TENM2: variants seen among roughly 807,000 people sequenced by gnomAD.
The protein encoded by TENM2 is teneurin-2.
Under a neutral mutation model 245.2 loss-of-function variants are expected in TENM2, and 52 were observed. The observed-to-expected ratio is 0.21, with a 90% CI of 0.17 to 0.27. The LOEUF (loss-of-function observed/expected upper bound fraction) is 0.27, where lower values mean the gene tolerates loss of function less well. Among genes scored for constraint, TENM2 ranks in the 10% least tolerant of loss-of-function variants. The pLI is 1.00. For synonymous variants in TENM2, 1,363 were observed against 1,438.9 expected (o/e 0.95, Z 1.19); for missense variants, 3,046 against 3,666.8 (o/e 0.83, Z 4.37).
intron 2 of TENM2, among the ~76,000 whole-genome samples, chr5:167,567,145 C>T (rs935672507): frequency 2.0e-5 from 3 of 152,042 alleles, no homozygotes; most frequent in Admixed American, 6.6e-5. Context: ...ATATAAAAAT[C>T]GACCCAAATT....
intron 4 of TENM2, among the ~76,000 whole-genome samples, chr5:167,988,215 A>T (rs1783395159): frequency 6.6e-6 from 1 of 152,220 alleles, no homozygotes; most frequent in Non-Finnish European, 1.5e-5. Context: ...TTAAAATTAA[A>T]AATGTTCACA....
At chr5:167,281,126 T>TTGA (rs201609706), upstream of TENM2, among the ~76,000 whole-genome samples, 2 of 151,300 alleles carry the variant, frequency 1.3e-5, no homozygotes, top group Non-Finnish European at 1.5e-5. Context: ...TTTTTTTTTT[T>TTGA]GAAATGGAGT....
At chr5:167,735,184 A>T (rs574445681) in intron 2 of TENM2, among the ~76,000 whole-genome samples, 32 of 152,340 alleles carry the variant, frequency 2.1e-4, no homozygotes, top group Admixed American at 3.3e-4. Context: ...AGTGTCTGAA[A>T]ATCGTGGTCG....
intron 2 of TENM2, among the ~76,000 whole-genome samples, chr5:167,744,987 CTG>C (rs1041661065): frequency 1.1e-4 from 17 of 152,186 alleles, no homozygotes; most frequent in African/African-American, 3.6e-4. Flanking sequence ...CCATGTGACA[CTG>C]AGCACCAAGT....
At position 167,952,835 on chromosome 5, in the gene TENM2, C is replaced by A. The variant is rs1407813334; in HGVS notation, c.947+13C>A. 4 of 1,548,236 alleles carry A rather than the reference C, an allele frequency of 2.6e-6. No homozygotes were observed. Among genetic ancestry groups the A allele is most frequent in the Admixed American group, 3.9e-5 (2 of 51,024 alleles). ...CACTGGAGACCCGGTAAGTCCCCAT[C>A]GCCAGCTCACAGTCACACTCAGTGT... On this transcript the variant is annotated intron_variant, in intron 4 of 28. Coordinates refer to ENST00000518659, the Ensembl canonical transcript of TENM2.
chr5:167,958,056 T>C (rs1654148439), intron 4 of TENM2, among the ~76,000 whole-genome samples: 1 of 152,202 alleles, frequency 6.6e-6, no homozygotes, highest in African/African-American at 2.4e-5. Flanking sequence ...TTGATCTGTC[T>C]AATATTGACA....
At chr5:168,238,662 G>A (rs1765825207) in intron 25 of TENM2, among the ~76,000 whole-genome samples, 1 of 152,190 alleles carries the variant, frequency 6.6e-6, no homozygotes, top group South Asian at 2.1e-4. Context: ...CAGCAGGGCC[G>A]TTTTGAAGAC....
At chr5:167,789,720 C>T (rs1233843568) in intron 2 of TENM2, among the ~76,000 whole-genome samples, 1 of 152,146 alleles carries the variant, frequency 6.6e-6, no homozygotes, top group Non-Finnish European at 1.5e-5. Flanking sequence ...CAACAATATT[C>T]TTTGGTACTA....
chr5:168,127,153 C>A (rs1795911385), intron 12 of TENM2, among the ~76,000 whole-genome samples, 187 bp downstream of exon 14: 1 of 152,150 alleles, frequency 6.6e-6, no homozygotes, highest in Admixed American at 6.5e-5. Context: ...TTCCAGGATT[C>A]CGAGTTGAAA....
At chr5:167,764,326 C>T (rs1762864628) in intron 2 of TENM2, among the ~76,000 whole-genome samples, 2 of 152,146 alleles carry the variant, frequency 1.3e-5, no homozygotes, top group South Asian at 4.1e-4. Flanking sequence ...CTCATCCCTG[C>T]TCTGAGAACA....
chr5:167,871,922 G>A lies in TENM2; in HGVS notation c.503-4064G>A, dbSNP rs199533992. ...GAACCTGTTTGTGTCTGTACAGATG[G>A]TCTCTGTCAGTTGGAATAGTCAGGG... On this transcript the variant is annotated intron_variant, in intron 2 of 28. Coordinates refer to ENST00000518659, the Ensembl canonical transcript of TENM2. Among the ~76,000 whole-genome samples, 7 of 152,210 alleles carry A rather than the reference G, an allele frequency of 4.6e-5. No individual in the cohort carries two copies. The East Asian group carries it at 1.4e-3, about 29-fold the overall frequency.
At chr5:168,056,192 G>A (rs1789527450) in intron 6 of TENM2, among the ~76,000 whole-genome samples, 1 of 152,096 alleles carries the variant, frequency 6.6e-6, no homozygotes, top group Non-Finnish European at 1.5e-5. Flanking sequence ...TGTCCTCCTG[G>A]ACATCGGCCC....
chr5:167,788,739 C>T (rs1324006954), intron 2 of TENM2, among the ~76,000 whole-genome samples: 1 of 152,144 alleles, frequency 6.6e-6, no homozygotes, highest in Non-Finnish European at 1.5e-5. Context: ...GCCAAAGGTC[C>T]AGTCTTCTTT....
intron 1 of TENM2, among the ~76,000 whole-genome samples, chr5:167,364,342 G>T (rs1036180836): frequency 9.2e-5 from 14 of 151,966 alleles, no homozygotes; most frequent in Non-Finnish European, 1.6e-4. Flanking sequence ...AAATTTAAAT[G>T]AAAATTTTAA....
At chr5:167,477,439 G>A (rs1005492395) in intron 2 of TENM2, among the ~76,000 whole-genome samples, 13 of 18,300 alleles carry the variant, frequency 7.1e-4, no homozygotes, top group Admixed American at 3.1e-3. Flanking sequence ...TTGGCGGGTG[G>A]GGGGGGAGGT....
At chr5:168,048,892 T>C (rs1189562216) in intron 6 of TENM2, among the ~76,000 whole-genome samples, 1 of 152,240 alleles carries the variant, frequency 6.6e-6, no homozygotes, top group African/African-American at 2.4e-5. Context: ...AATTATATGC[T>C]TTCCATAATC....
At chr5:167,620,486 A>T (rs1778087263) in intron 2 of TENM2, among the ~76,000 whole-genome samples, 1 of 149,070 alleles carries the variant, frequency 6.7e-6, no homozygotes, top group Admixed American at 6.8e-5. Flanking sequence ...TTCCTTTTTA[A>T]TAAGGCTATT....
chr5:167,326,622 G>A (rs900382499), intron 1 of TENM2, among the ~76,000 whole-genome samples: 3 of 151,370 alleles, frequency 2.0e-5, no homozygotes, highest in East Asian at 1.9e-4. Context: ...GCAGTGAGCC[G>A]AGTTCATGCC....
the TENM2 span, among the ~76,000 whole-genome samples, chr5:167,167,718 T>G: frequency 6.6e-6 from 1 of 152,328 alleles, no homozygotes; most frequent in African/African-American, 2.4e-5. Context: ...TTTGTGTTCC[T>G]CAAGCAGATT....
Sources: allele counts gnomAD v4.1 joint callset (sites outside exome capture counted in the v4.1 genomes callset), GRCh38; gene constraint gnomAD v4.1.1; transcripts MANE v1.5; gene names NCBI Gene and HGNC (gene_info 2026-07-23, HGNC 2026-07-21).